COBL: variants seen among roughly 807,000 people sequenced by gnomAD.
The protein encoded by COBL is cordon-bleu WH2 repeat protein.
Under a neutral mutation model 98.8 loss-of-function variants are expected in COBL, and 51 were observed. The ratio of observed to expected loss-of-function variants is 0.52; its 90% CI spans 0.41 to 0.65. The LOEUF (loss-of-function observed/expected upper bound fraction) is 0.65, where lower values mean the gene tolerates loss of function less well. Among genes scored for constraint, COBL ranks in the 30% least tolerant of loss-of-function variants. The pLI, the probability that COBL is intolerant of heterozygous loss-of-function variation, is 0.00. For synonymous variants in COBL, 634 were observed against 651.7 expected, an observed-to-expected ratio of 0.97 and a Z score of 0.41; for missense variants, 1,617 against 1,617.5, an observed-to-expected ratio of 1.00 and a Z score of 0.01.
intron 5 of COBL, among the ~76,000 whole-genome samples, chr7:51,160,823 T>A (rs1397554512): frequency 2.0e-5 from 3 of 152,180 alleles, no homozygotes. Flanking sequence ...CAAGAAACTC[T>A]GTTAGACTTG....
At chr7:51,300,322 G>A (rs1051212973) in intron 1 of COBL, among the ~76,000 whole-genome samples, 2 of 151,986 alleles carry the variant, frequency 1.3e-5, no homozygotes, top group Non-Finnish European at 2.9e-5. Flanking sequence ...CACCACACCT[G>A]GCTTATTTTT....
At chr7:51,271,369 G>C (rs1798742214) in intron 1 of COBL, among the ~76,000 whole-genome samples, 1 of 152,274 alleles carries the variant, frequency 6.6e-6, no homozygotes, top group Admixed American at 6.5e-5. Context: ...CCACTGGCTG[G>C]TCCTTGGAGC....
At chr7:51,080,806 G>A (rs1244549566) in intron 7 of COBL, among the ~76,000 whole-genome samples, 1 of 152,190 alleles carries the variant, frequency 6.6e-6, no homozygotes, top group Non-Finnish European at 1.5e-5. Flanking sequence ...GGGCCACAGG[G>A]ACGCACATTC....
intron 6 of COBL, among the ~76,000 whole-genome samples, chr7:51,126,149 G>A (rs1214173763): frequency 6.6e-5 from 10 of 152,130 alleles, no homozygotes; most frequent in South Asian, 2.1e-4. Flanking sequence ...CCAACATGGC[G>A]AAACCCCATC....
intron 6 of COBL, among the ~76,000 whole-genome samples, chr7:51,135,704 C>T (rs534200872): frequency 3.9e-5 from 6 of 152,308 alleles, no homozygotes; most frequent in African/African-American, 1.2e-4. Flanking sequence ...GGCTAGGCCA[C>T]ATGACACATG....
Position 51,083,861 on chromosome 7 carries a change from C to A in COBL, c.1096+1305G>T, listed in dbSNP as rs550375240. 3.3e-5 allele frequency among the ~76,000 whole-genome samples: 5 copies of A among 152,244 alleles called. No homozygotes were observed. In the South Asian group the frequency reaches 1.0e-3, roughly 32 times the overall value. ...CAGGGCGGAATCAGGGGGTCCTGCC[C>A]TGGGTTGAAGTGACTGGCCTAGGGA... On this transcript the variant is annotated intron_variant, in intron 7 of 12. Transcript: ENST00000265136.
chr7:51,177,158 G>T (rs1217752196), intron 5 of COBL, among the ~76,000 whole-genome samples: 1 of 152,112 alleles, frequency 6.6e-6, no homozygotes, highest in African/African-American at 2.4e-5. Context: ...GGGAAGGCCT[G>T]GGGACACGTG....
intron 7 of COBL, among the ~76,000 whole-genome samples, chr7:51,063,651 G>A (rs1246476602): frequency 6.6e-6 from 1 of 152,204 alleles, no homozygotes; most frequent in Non-Finnish European, 1.5e-5. Context: ...GTGCCTACAT[G>A]TGCCTGCAAG....
At chr7:51,194,196 G>A (rs28370325) in intron 2 of COBL, among the ~76,000 whole-genome samples, 104 of 152,260 alleles carry the variant, frequency 6.8e-4, no homozygotes, top group African/African-American at 2.4e-3. Context: ...CTATAAGTGA[G>A]AACATGCAGT....
intron 6 of COBL, among the ~76,000 whole-genome samples, chr7:51,121,346 T>C (rs892046873): frequency 3.9e-5 from 6 of 152,252 alleles, no homozygotes; most frequent in Non-Finnish European, 7.3e-5. Context: ...TTAAGCCCTT[T>C]GCTCATTTTT....
intron 5 of COBL, chr7:51,156,152 T>A (rs1312442141): frequency 1.0e-6 from 1 of 984,832 alleles, no homozygotes. Context: ...TTAGGATATA[T>A]CACTAAATGT....
chr7:51,090,353 A>G (rs963984903), intron 6 of COBL, among the ~76,000 whole-genome samples: 10 of 152,212 alleles, frequency 6.6e-5, no homozygotes, highest in African/African-American at 2.4e-4. Context: ...CCATGCTGAA[A>G]TGGGTAAGAA....
At chr7:51,172,498 G>T (rs769542052) in intron 5 of COBL, 3 of 1,287,928 alleles carry the variant, frequency 2.3e-6, no homozygotes, top group Middle Eastern at 4.3e-4. Flanking sequence ...TGTCCTCATC[G>T]CTGTCTGCAC....
chr7:51,061,023 C>A (rs977373916), intron 7 of COBL, among the ~76,000 whole-genome samples: 1 of 152,300 alleles, frequency 6.6e-6, no homozygotes, highest in African/African-American at 2.4e-5. Flanking sequence ...CCAGGTAGTA[C>A]CACTAATGGC....
chr7:51,170,534 T>TATATATATATATATAA (rs1315143701), intron 5 of COBL, among the ~76,000 whole-genome samples: 24 of 134,504 alleles, frequency 1.8e-4, no homozygotes, highest in African/African-American at 6.5e-4. Context: ...TATATATAAA[T>TATATATATATATATAA]ATATATCACA....
chr7:51,149,079 G>A (rs59775410), intron 5 of COBL, among the ~76,000 whole-genome samples: 6,509 of 152,242 alleles, frequency 0.043, 447 homozygotes, highest in African/African-American at 0.14. Flanking sequence ...CAAGCCCGAA[G>A]GGGCATTTAT....
chr7:51,136,162 T>G lies in COBL; in HGVS notation c.953A>C (p.Glu318Ala). The G allele has an allele frequency of 6.2e-7, 1 of 1,611,048 alleles. No homozygotes were observed. The highest frequency in any genetic ancestry group is 8.5e-7 in the Non-Finnish European group (1 of 1,179,506). The change falls in exon 6 of 13, where the codon GAA (glutamate) becomes GCA (alanine). Residue 318 changes from glutamate to alanine, a missense_variant. Glu to Ala is a moderately radical substitution (Grantham distance 107, BLOSUM62 -1). Coordinates refer to ENST00000265136, the MANE Select transcript of COBL (RefSeq NM_015198.5). ...SGPPVQDKASEKVSLGSQIDL... is the reference protein window; with the variant it reads ...SGPPVQDKASAKVSLGSQIDL... ...GAGAACAGCCCACTGCCCTACCTTT[T>G]CCGATGCCTTGTCTTGCACAGGTGG...
chr7:51,026,522 C>G, intron 11 of COBL, 24 bp downstream of exon 11: 1 of 1,609,460 alleles, frequency 6.2e-7, no homozygotes, highest in Non-Finnish European at 8.5e-7. Flanking sequence ...CTCCTGGCGC[C>G]ATGGAAGGCC....
At chr7:51,102,026 A>G (rs975216886) in intron 6 of COBL, among the ~76,000 whole-genome samples, 25 of 152,228 alleles carry the variant, frequency 1.6e-4, no homozygotes, top group African/African-American at 5.8e-4. Context: ...TTTTTCTGCC[A>G]TATGAGGACA....
Sources: gnomAD v4.1 joint callset for allele counts (sites outside exome capture counted in the v4.1 genomes callset) on GRCh38, gnomAD v4.1.1 for gene constraint, MANE v1.5 for transcripts, NCBI Gene and HGNC (gene_info 2026-07-23, HGNC 2026-07-21) for gene names.